The following LHFPL6 variants were observed in gnomAD, a reference collection of about 807,000 sequenced individuals.
LHFPL6 encodes the protein LHFPL tetraspan subfamily member 6 protein.
In LHFPL6, 9 loss-of-function variants were observed where a neutral mutation model predicts 20.6. The observed-to-expected ratio is 0.44, with a 90% CI of 0.26 to 0.76. LHFPL6 has a LOEUF of 0.76. LHFPL6 is among the 30% of genes least tolerant of loss of function. The pLI is 0.20. For missense variants in LHFPL6, 218 were observed against 253.5 expected (o/e 0.86, Z 0.95); for synonymous variants, 105 against 98.7 (o/e 1.06, Z -0.38).
chr13:39,580,414 C>T (rs1872246315), intron 2 of LHFPL6, among the ~76,000 whole-genome samples: 1 of 152,008 alleles, frequency 6.6e-6, no homozygotes, highest in Admixed American at 6.6e-5. Context: ...AAGAAGTCAC[C>T]TACTAATAAG....
intron 2 of LHFPL6, among the ~76,000 whole-genome samples, chr13:39,560,049 A>G (rs1001388656): frequency 2.6e-5 from 4 of 152,222 alleles, no homozygotes; most frequent in Non-Finnish European, 5.9e-5. Flanking sequence ...TGATGGCATC[A>G]GAACCCCACA....
rs115652457 is a variant in LHFPL6, at chr13:39,511,311, C to T, written c.385+89521G>A. Among the ~76,000 whole-genome samples the T allele has an allele frequency of 4.7e-3, 708 of 151,992 alleles. 4 individuals are homozygous for T. Among genetic ancestry groups the T allele is most frequent in the African/African-American group, 0.016 (647 of 41,430 alleles). On this transcript the variant is annotated intron_variant, in intron 2 of 3. Transcript: ENST00000379589. ...AATTTGTTTATTTCTTAAAGTAATA[C>T]AATATTATACATACAGTCATTTTTG...
At chr13:39,479,273 T>C (rs970395358) in intron 2 of LHFPL6, among the ~76,000 whole-genome samples, 6 of 152,134 alleles carry the variant, frequency 3.9e-5, no homozygotes, top group Admixed American at 1.3e-4. Flanking sequence ...AAATGCCTTT[T>C]TGGAGTAAGT....
chr13:39,525,962 T>C (rs1483022861), intron 2 of LHFPL6, among the ~76,000 whole-genome samples: 4 of 152,128 alleles, frequency 2.6e-5, no homozygotes, highest in Admixed American at 6.5e-5. Context: ...TGTTATCTAA[T>C]AGGCACTAAC....
chr13:39,529,825 C>T (rs1566134030), intron 2 of LHFPL6, among the ~76,000 whole-genome samples: 1 of 152,038 alleles, frequency 6.6e-6, no homozygotes, highest in Non-Finnish European at 1.5e-5. Context: ...CATTTATAAT[C>T]CAAAAGGAGG....
At chr13:39,389,687 T>A (rs553647477) in intron 2 of LHFPL6, among the ~76,000 whole-genome samples, 1 of 152,264 alleles carries the variant, frequency 6.6e-6, no homozygotes, top group East Asian at 1.9e-4. Context: ...CATGTTATGT[T>A]TGCATATGAT....
intron 2 of LHFPL6, among the ~76,000 whole-genome samples, chr13:39,539,607 C>T (rs1235737544): frequency 6.6e-6 from 1 of 152,136 alleles, no homozygotes; most frequent in Non-Finnish European, 1.5e-5. Context: ...AACACAGGTG[C>T]CACTGGGGAA....
intron 2 of LHFPL6, among the ~76,000 whole-genome samples, chr13:39,497,405 C>T (rs1869137963): frequency 1.3e-5 from 2 of 152,134 alleles, no homozygotes; most frequent in African/African-American, 2.4e-5. Flanking sequence ...GCAGAGAGAA[C>T]GCTCCTATTT....
intron 2 of LHFPL6, among the ~76,000 whole-genome samples, chr13:39,542,302 G>A (rs1870833092): frequency 6.6e-6 from 1 of 151,938 alleles, no homozygotes; most frequent in South Asian, 2.1e-4. Context: ...AAAAATTGTG[G>A]AAGAAATGAA....
Position 39,454,932 on chromosome 13 carries a change from T to A in LHFPL6, c.386-76406A>T, listed in dbSNP as rs1421193478. Among the ~76,000 whole-genome samples, 4 of 152,332 alleles carry A rather than the reference T, an allele frequency of 2.6e-5. No homozygotes were observed. In the East Asian group the frequency reaches 5.8e-4, roughly 22 times the overall value. On this transcript the variant is annotated intron_variant, in intron 2 of 3. Coordinates refer to ENST00000379589, the MANE Select transcript of LHFPL6 (RefSeq NM_005780.3). ...AAAAATAAATGTTACTATATTATTGTAGATTATAGAGTGTCCTTCACTTTT... is the reference window on the plus strand; with the variant it reads ...AAAAATAAATGTTACTATATTATTGAAGATTATAGAGTGTCCTTCACTTTT...
At chr13:39,382,630 T>C (rs1263389479) in intron 2 of LHFPL6, among the ~76,000 whole-genome samples, 1 of 152,074 alleles carries the variant, frequency 6.6e-6, no homozygotes, top group Non-Finnish European at 1.5e-5. Context: ...CCTTGTGATC[T>C]GCCTGCCTCA....
chr13:39,413,804 T>C (rs904946084), intron 2 of LHFPL6, among the ~76,000 whole-genome samples: 2 of 152,180 alleles, frequency 1.3e-5, no homozygotes, highest in Non-Finnish European at 2.9e-5. Flanking sequence ...AGCACCCCAG[T>C]AGCCTTCCTT....
At chr13:39,498,946 C>T (rs552058142) in intron 2 of LHFPL6, among the ~76,000 whole-genome samples, 6 of 152,162 alleles carry the variant, frequency 3.9e-5, no homozygotes, top group Non-Finnish European at 8.8e-5. Flanking sequence ...CTGCAACCTC[C>T]ACCTCCCAGG....
At chr13:39,563,762 C>T (rs1248658368) in intron 2 of LHFPL6, among the ~76,000 whole-genome samples, 2 of 152,036 alleles carry the variant, frequency 1.3e-5, no homozygotes. Flanking sequence ...TTTATTATTC[C>T]TGCCAGGGTA....
intron 2 of LHFPL6, among the ~76,000 whole-genome samples, chr13:39,571,771 C>T (rs1291926968): frequency 6.6e-6 from 1 of 152,254 alleles, no homozygotes; most frequent in Non-Finnish European, 1.5e-5. Flanking sequence ...ACTGTAACAT[C>T]CTCTCTGGGG....
intron 2 of LHFPL6, among the ~76,000 whole-genome samples, chr13:39,442,396 C>A (rs918204000): frequency 1.3e-5 from 2 of 152,144 alleles, no homozygotes; most frequent in African/African-American, 2.4e-5. Flanking sequence ...ACTTACATTG[C>A]CCCAAACAAG....
chr13:39,451,423 G>T (rs1409644830), intron 2 of LHFPL6, among the ~76,000 whole-genome samples: 2 of 152,128 alleles, frequency 1.3e-5, no homozygotes, highest in African/African-American at 2.4e-5. Context: ...GAAGATCAGG[G>T]TTTATAATCA....
At chr13:39,507,889 C>CCTTCCTTCCTT (rs1555265409) in intron 2 of LHFPL6, among the ~76,000 whole-genome samples, 2 of 143,502 alleles carry the variant, frequency 1.4e-5, no homozygotes, top group Admixed American at 1.4e-4. Context: ...TGCCTCCCCT[C>CCTTCCTTCCTT]CCTTCCTTCC....
chr13:39,573,017 A>G (rs1871982192), intron 2 of LHFPL6, among the ~76,000 whole-genome samples: 1 of 152,254 alleles, frequency 6.6e-6, no homozygotes, highest in Non-Finnish European at 1.5e-5. Flanking sequence ...GCTTATTTCC[A>G]CGTAAAGAAG....
Sources: gnomAD v4.1 joint callset for allele counts (sites outside exome capture counted in the v4.1 genomes callset) on GRCh38, gnomAD v4.1.1 for gene constraint, MANE v1.5 for transcripts, NCBI Gene and HGNC (gene_info 2026-07-23, HGNC 2026-07-21) for gene names.